The following OR1D2 variants were observed in gnomAD, a reference collection of about 807,000 sequenced individuals.
The protein encoded by OR1D2 is olfactory receptor 1D2.
For missense variants in OR1D2, 357 were observed against 376.1 expected, an observed-to-expected ratio of 0.95 and a Z score of 0.42; for synonymous variants, 157 against 153.9, an observed-to-expected ratio of 1.02 and a Z score of -0.15.
At chr17:3,098,665 G>A (rs1369229377) in intron 1 of OR1D2, among the ~76,000 whole-genome samples, 1 of 152,168 alleles carries the variant, frequency 6.6e-6, no homozygotes, top group Non-Finnish European at 1.5e-5. Flanking sequence ...AGCAGAACTG[G>A]ATGGAGGATG....
rs746768334 is a variant in OR1D2 at position 3,092,153 on chromosome 17, G to T, written c.844C>A (p.Pro282Thr). The T allele has an allele frequency of 6.2e-7, 1 of 1,614,124 alleles. No individual in the cohort carries two copies. The highest frequency in any genetic ancestry group is 1.1e-5 in the South Asian group (1 of 91,068). The change falls in exon 2 of 2, where the codon CCC becomes ACC. Residue 282 changes from proline to threonine, a missense_variant. Physicochemically the swap from Pro to Thr is conservative, Grantham distance 38 (BLOSUM62 -1). Transcript: ENST00000641833. ...VATVMYAVVT[P>T]MMNPFIYSLR... ...CTGTAGATGAAGGGATTCATCATGG[G>T]TGTCACCACAGCATACATCACTGTG... is the stretch of plus-strand genomic sequence containing the variant.
rs537168361 is a variant in OR1D2 at position 3,103,500 on chromosome 17, C to G, written c.-51+599G>C. Among the ~76,000 whole-genome samples, 12 of 152,318 alleles carry G rather than the reference C, an allele frequency of 7.9e-5. 1 individual carries two copies. The South Asian group carries it at 2.5e-3, about 32-fold the overall frequency. ...TGCTTCATAACAAAAAGCTGACTTT[C>G]TGACTTTCTGACTCTCTCTCTTGAA... On this transcript the variant is annotated intron_variant, in intron 1 of 1. Transcript: ENST00000641833.
At chr17:3,096,816 A>T (rs2047847597) in intron 1 of OR1D2, among the ~76,000 whole-genome samples, 2 of 152,210 alleles carry the variant, frequency 1.3e-5, no homozygotes, top group African/African-American at 4.8e-5. Context: ...ACAACTAGAA[A>T]GATCAACAAG....
intron 1 of OR1D2, among the ~76,000 whole-genome samples, chr17:3,093,652 A>C (rs984394133): frequency 2.0e-5 from 3 of 152,200 alleles, no homozygotes; most frequent in African/African-American, 7.2e-5. Flanking sequence ...GGCAATTAGC[A>C]CTCAGAAATG....
chr17:3,100,886 A>G (rs1011980564), intron 1 of OR1D2, among the ~76,000 whole-genome samples: 5 of 152,332 alleles, frequency 3.3e-5, no homozygotes, highest in Middle Eastern at 3.4e-3. Context: ...AGAGAATACT[A>G]TAAATACCCC....
At chr17:3,102,891 G>T (rs1378131239) in intron 1 of OR1D2, among the ~76,000 whole-genome samples, 1 of 152,156 alleles carries the variant, frequency 6.6e-6, no homozygotes, top group Non-Finnish European at 1.5e-5. Context: ...AAGAGCAACA[G>T]GGTTCCCAGT....
chr17:3,094,372 A>T (rs143123361), intron 1 of OR1D2, among the ~76,000 whole-genome samples: 1 of 152,150 alleles, frequency 6.6e-6, no homozygotes, highest in East Asian at 1.9e-4. Context: ...ATGTTTAAAA[A>T]ATCAAAAAAG....
chr17:3,102,192 G>A (rs2047877767), intron 1 of OR1D2, among the ~76,000 whole-genome samples: 1 of 152,170 alleles, frequency 6.6e-6, no homozygotes, highest in Admixed American at 6.5e-5. Context: ...AGCAGAATAA[G>A]CAAATGGAGA....
rs919310862 is a variant in OR1D2, at chr17:3,090,474, C to T, written c.*1584G>A. 2.0e-5 allele frequency: 3 copies of T among 152,194 alleles called. No individual in the cohort carries two copies. The highest frequency in any genetic ancestry group is 7.2e-5 in the African/African-American group (3 of 41,452). 9.4% of individuals were successfully genotyped at this position (152,194 alleles called of 1,614,324 possible). A position where few individuals can be genotyped will look rare whatever the true frequency, so the allele number is the denominator to read the frequency against. ...TCCATTTCTTTGATGGTTTCTGAAG[C>T]TTTATTTTGTTCCTTTGGCTTTGCT... On this transcript the variant is annotated 3_prime_UTR_variant, in exon 2 of 2. Transcript: ENST00000641833.
chr17:3,092,331 G>C lies in OR1D2; in HGVS notation c.666C>G (p.Ile222Met). The stretch of plus-strand genomic sequence containing the variant: ...CTGAGGGTATTCTGAGGATGGCTCT[G>C]ATAATCAGCACATAGGAAATGATCA... ...GFVIISYVLI[I>M]RAILRIPSVS... The change falls in exon 2 of 2, where the codon ATC (isoleucine) becomes ATG (methionine). Residue 222 changes from isoleucine to methionine, a missense_variant. By Grantham distance (10) the Ile-to-Met change is conservative. Transcript: ENST00000641833. The C allele has an allele frequency of 1.2e-6, 2 of 1,614,204 alleles. No homozygotes were observed. Among genetic ancestry groups the C allele is most frequent in the South Asian group, 1.1e-5 (1 of 91,084 alleles).
rs923565921 is a variant in OR1D2 at position 3,090,590 on chromosome 17, G to T, written c.*1468C>A. On this transcript the variant is annotated 3_prime_UTR_variant, in exon 2 of 2. Transcript: ENST00000641833. ...TCATCTCTTTTAGTCTTTACAGGCT[G>T]GTTTTGATAGGGAAAGTCCAATTTG... is the stretch of plus-strand genomic sequence containing the variant. The T allele has an allele frequency of 1.2e-4, 19 of 152,206 alleles. 1 individual carries two copies. The highest frequency in any genetic ancestry group is 4.4e-5 in the Non-Finnish European group (3 of 68,040). The allele number at this position is 152,206 out of a possible 1,614,324, so 9.4% of individuals were successfully genotyped here.
rs548903654 is a variant in OR1D2 at position 3,090,820 on chromosome 17, AT to A, written c.*1237del. On this transcript the variant is annotated 3_prime_UTR_variant, in exon 2 of 2. Coordinates refer to ENST00000641833, the MANE Select transcript of OR1D2 (RefSeq NM_002548.3). ...ATTAAGAGCTCCCAACCATTTTCTT[AT>A]TTTTTTTTTTTCTTGTTCTTAGCTA... The A allele has an allele frequency of 5.4e-3, 773 of 142,782 alleles. 2 individuals carry two copies. The highest frequency in any genetic ancestry group is 7.5e-3 in the Middle Eastern group (2 of 268). The allele number at this position is 142,782 out of a possible 1,614,324, so 8.8% of individuals were successfully genotyped here. A position where few individuals can be genotyped will look rare whatever the true frequency, so the allele number is the denominator to read the frequency against.
intron 1 of OR1D2, among the ~76,000 whole-genome samples, chr17:3,096,984 A>G (rs772527882): frequency 6.6e-6 from 1 of 152,258 alleles, no homozygotes; most frequent in Non-Finnish European, 1.5e-5. Flanking sequence ...CCCAAATGAC[A>G]TTAAAAGGCT....
rs931691398 is a variant in OR1D2 at position 3,088,599 on chromosome 17, G to A, written c.*3459C>T. The A allele has an allele frequency of 6.4e-6, 1 of 156,636 alleles. No homozygotes were observed. The highest frequency in any genetic ancestry group is 1.5e-5 in the Non-Finnish European group (1 of 68,096). 9.7% of individuals were successfully genotyped at this position (156,636 alleles called of 1,614,324 possible). A position where few individuals can be genotyped will look rare whatever the true frequency, so the allele number is the denominator to read the frequency against. On this transcript the variant is annotated 3_prime_UTR_variant, in exon 2 of 2. Coordinates refer to ENST00000641833, the MANE Select transcript of OR1D2 (RefSeq NM_002548.3). The stretch of plus-strand genomic sequence containing the variant: ...CAACTCTAAGGGGGTCTGCGTGAGA[G>A]AGTCATGATCAATTGAGCAAGCAGG...
rs999056770 is a variant in OR1D2 at position 3,090,156 on chromosome 17, C to T, written c.*1902G>A. The T allele has an allele frequency of 2.6e-5, 4 of 152,098 alleles. No individual in the cohort carries two copies. Among genetic ancestry groups the T allele is most frequent in the Non-Finnish European group, 4.4e-5 (3 of 68,024 alleles). 9.4% of individuals were successfully genotyped at this position (152,098 alleles called of 1,614,324 possible). On this transcript the variant is annotated 3_prime_UTR_variant, in exon 2 of 2. Transcript: ENST00000641833. ...CCCATAGGCTTTCTTCACTCTTTTT[C>T]CATTTGTTTCTCTTACTAGTACTTT...
At position 3,092,459 on chromosome 17, in the gene OR1D2, C is replaced by T. The variant is rs2047817531; in HGVS notation, c.538G>A (p.Glu180Lys). The change falls in exon 2 of 2, where the codon GAG (glutamate) becomes AAG (lysine). Residue 180 changes from glutamate (E) to lysine (K), a missense_variant. Physicochemically the swap from Glu to Lys is moderately conservative, Grantham distance 56. Transcript: ENST00000641833. ...GCCATCCTCAGCAATACATACATCTCACAGAAGATGTAGTGGATTTTTCGT... is the reference window on the plus strand; with the variant it reads ...GCCATCCTCAGCAATACATACATCTTACAGAAGATGTAGTGGATTTTTCGT... ...GSRKIHYIFCEMYVLLRMACS... is the reference protein window; with the variant it reads ...GSRKIHYIFCKMYVLLRMACS... The T allele has an allele frequency of 6.2e-7, 1 of 1,614,114 alleles. No individual in the cohort carries two copies. The highest frequency in any genetic ancestry group is 8.5e-7 in the Non-Finnish European group (1 of 1,180,012).
chr17:3,090,406 T>C lies in OR1D2; in HGVS notation c.*1652A>G, dbSNP rs1434631690. On this transcript the variant is annotated 3_prime_UTR_variant, in exon 2 of 2. Transcript: ENST00000641833. Reference sequence around the variant, plus strand: ...GTTTTTGTGTGGGTCACCATGTTTCTTCAAATGATCACTTGAATTCTTTGT... The same window carrying C: ...GTTTTTGTGTGGGTCACCATGTTTCCTCAAATGATCACTTGAATTCTTTGT... 6.6e-6 allele frequency: 1 copy of C among 152,258 alleles called. No homozygotes were observed. Among genetic ancestry groups the C allele is most frequent in the Non-Finnish European group, 1.5e-5 (1 of 68,052 alleles). 9.4% of individuals were successfully genotyped at this position (152,258 alleles called of 1,614,324 possible).
In OR1D2 at chr17:3,093,033, G is replaced by A. The variant is rs112503311; in HGVS notation, c.-37C>T. 8.2e-6 allele frequency: 13 copies of A among 1,579,756 alleles called. No individual in the cohort carries two copies. The Admixed American group carries it at 1.1e-4, about 13-fold the overall frequency. ...TCTTTTAACATTAACACCAGCAAAT[G>A]TTTACCAAAAGTCCTTAATTGAATA... On this transcript the variant is annotated 5_prime_UTR_variant, in exon 2 of 2. Transcript: ENST00000641833.
intron 1 of OR1D2, among the ~76,000 whole-genome samples, chr17:3,095,970 T>C (rs2047843038): frequency 2.0e-5 from 3 of 152,128 alleles, no homozygotes; most frequent in Admixed American, 6.5e-5. Flanking sequence ...AATAGAATTA[T>C]ATAGAAATCA....
Sources: allele counts gnomAD v4.1 joint callset (sites outside exome capture counted in the v4.1 genomes callset), GRCh38; gene constraint gnomAD v4.1.1; transcripts MANE v1.5; gene names NCBI Gene and HGNC (gene_info 2026-07-23, HGNC 2026-07-21).